Variants in IL21 observed in about 807,000 individuals in gnomAD.
IL21 encodes interleukin-21.
In IL21, 3 loss-of-function variants were observed where a neutral mutation model predicts 18.4. The ratio of observed to expected loss-of-function variants is 0.16; its 90% CI spans 0.07 to 0.42. The LOEUF is 0.42. IL21 is among the 10% of genes least tolerant of loss of function. The pLI is 0.99. For missense variants in IL21, 130 were observed against 188.4 expected (o/e 0.69, Z 1.81); for synonymous variants, 37 against 62.0 (o/e 0.60, Z 1.90).
chr4:122,615,375 A>G (rs567091693), intron 3 of IL21, among the ~76,000 whole-genome samples: 1 of 152,240 alleles, frequency 6.6e-6, no homozygotes, highest in East Asian at 1.9e-4. Context: ...CAAAAACAAA[A>G]TTAGCCGGGC....
intron 3 of IL21, among the ~76,000 whole-genome samples, chr4:122,615,257 C>T (rs531337660): frequency 6.6e-6 from 1 of 152,314 alleles, no homozygotes; most frequent in African/African-American, 2.4e-5. Context: ...TGCGGTGGCT[C>T]ATGCCTGTAA....
chr4:122,616,974 A>G (rs17879352), intron 2 of IL21, among the ~76,000 whole-genome samples: 2,187 of 152,276 alleles, frequency 0.014, 55 homozygotes, highest in African/African-American at 0.05. Context: ...ATACGTAACA[A>G]TATTACCTGA....
In IL21 at chr4:122,610,162, T is replaced by C. The variant is rs1291122425; in HGVS notation, c.*2548A>G. 1.3e-5 allele frequency among the ~76,000 whole-genome samples: 2 copies of C among 152,126 alleles called. No homozygotes were observed. The highest frequency in any genetic ancestry group is 2.9e-5 in the Non-Finnish European group (2 of 68,022). ...GGTCTTAAATAAGAAGCCATAAACATGAACATTTAAAATCAAATATATAAT... is the reference window on the plus strand; with the variant it reads ...GGTCTTAAATAAGAAGCCATAAACACGAACATTTAAAATCAAATATATAAT... On this transcript the variant is annotated 3_prime_UTR_variant, in exon 5 of 5. Transcript: ENST00000648588.
In IL21 at chr4:122,620,627, T is replaced by G. The variant is rs1799412882; in HGVS notation, c.204+74A>C. 2.4e-6 allele frequency: 3 copies of G among 1,238,666 alleles called. No homozygotes were observed. The South Asian group carries it at 3.8e-5, about 16-fold the overall frequency. The allele number at this position is 1,238,666 out of a possible 1,614,324, so 76.7% of individuals were successfully genotyped here. A position where few individuals can be genotyped will look rare whatever the true frequency, so the allele number is the denominator to read the frequency against. On this transcript the variant is annotated intron_variant, in intron 2 of 4. Transcript: ENST00000648588. ...AATTCAGTATACTCCTATATAATCA[T>G]GCTAATGTCTTTCTTATTGGATTTA...
intron 2 of IL21, among the ~76,000 whole-genome samples, chr4:122,617,420 G>A (rs1799351345): frequency 6.6e-6 from 1 of 152,082 alleles, no homozygotes; most frequent in Admixed American, 6.6e-5. Flanking sequence ...TGCTTCATCC[G>A]TGATGATCTG....
rs375579738 is a variant in IL21, at chr4:122,612,934, A to G, written c.361-6T>C. ...GAATCACATGAAGGGCATGTCTAGA[A>G]ATCAATGAAAAAGTAACAGTCTTCT... is the stretch of plus-strand genomic sequence containing the variant. On this transcript the variant is annotated splice_region_variant and splice_polypyrimidine_tract_variant and intron_variant, in intron 3 of 4. Transcript: ENST00000648588. 11 of 1,544,052 alleles carry G rather than the reference A, an allele frequency of 7.1e-6. No homozygotes were observed. The African/African-American group carries it at 1.2e-4, about 17-fold the overall frequency.
chr4:122,612,989 T>C, intron 3 of IL21, 61 bp from the exon 4 acceptor site: 1 of 1,044,200 alleles, frequency 9.6e-7, no homozygotes, highest in African/African-American at 1.6e-5. Flanking sequence ...AAAATGTTTC[T>C]TAAAATTTTT....
At chr4:122,618,804 CAAAAAAAAAAAA>C (rs1158779760) in intron 2 of IL21, among the ~76,000 whole-genome samples, 1 of 32,586 alleles carries the variant, frequency 3.1e-5, no homozygotes, top group Non-Finnish European at 6.0e-5. Flanking sequence ...GACTCCGTCT[CAAAAAAAAAAAA>C]AAAAAAAAAA....
rs988611113 is a variant in IL21, at chr4:122,611,944, C to A, written c.*766G>T. 2.0e-5 allele frequency among the ~76,000 whole-genome samples: 3 copies of A among 152,040 alleles called. No individual in the cohort carries two copies. Among genetic ancestry groups the A allele is most frequent in the African/African-American group, 2.4e-5 (1 of 41,410 alleles). On this transcript the variant is annotated 3_prime_UTR_variant, in exon 5 of 5. Coordinates refer to ENST00000648588, the MANE Select transcript of IL21 (RefSeq NM_021803.4). ...TGTTTGGTTCCAGAAGACAACCTGGCATATGTCCCTCTATAGGTTTAAATT... is the reference window on the plus strand; with the variant it reads ...TGTTTGGTTCCAGAAGACAACCTGGAATATGTCCCTCTATAGGTTTAAATT...
At position 122,620,873 on chromosome 4, in the gene IL21, C is replaced by T; in HGVS notation, c.139G>A (p.Asp47Asn). The stretch of plus-strand genomic sequence containing the variant: ...TCATTCACATAATTTTTCAGCTGAT[C>T]AACAATATCTATAAGTTGACGCATT... The part of the protein sequence containing the change: ...IRMRQLIDIV[D>N]QLKNYVNDLV... The change falls in exon 1 of 5, where the codon GAT becomes AAT. Residue 47 changes from aspartate (D) to asparagine (N), a missense_variant. Transcript: ENST00000648588. 1.2e-6 allele frequency: 2 copies of T among 1,613,998 alleles called. No homozygotes were observed. The highest frequency in any genetic ancestry group is 1.3e-5 in the African/African-American group (1 of 75,026).
chr4:122,615,719 G>T lies in IL21; in HGVS notation c.323C>A (p.Pro108His). ...VSIKKLKRKP[P>H]STNAGRRQKH... ...CTGTCTTCTCCCTGCATTTGTGGAAGGTGGTTTCCTCTTCAGCTTTTTAAT... is the reference window on the plus strand; with the variant it reads ...CTGTCTTCTCCCTGCATTTGTGGAATGTGGTTTCCTCTTCAGCTTTTTAAT... Residue 108 changes from proline to histidine, a missense_variant, in exon 3 of 5, where the codon CCT (proline) becomes CAT (histidine). Physicochemically the swap from Pro to His is moderately conservative, Grantham distance 77 (BLOSUM62 -2). Coordinates refer to ENST00000648588, the MANE Select transcript of IL21 (RefSeq NM_021803.4). 1 of 1,613,422 alleles carries T rather than the reference G, an allele frequency of 6.2e-7. No homozygotes were observed. The highest frequency in any genetic ancestry group is 8.5e-7 in the Non-Finnish European group (1 of 1,179,766).
chr4:122,616,425 C>T (rs1339924153), intron 2 of IL21, among the ~76,000 whole-genome samples: 1 of 152,108 alleles, frequency 6.6e-6, no homozygotes, highest in Non-Finnish European at 1.5e-5. Flanking sequence ...TGGGTACCTC[C>T]CTCTGATAGC....
At chr4:122,617,255 A>G (rs1799349874) in intron 2 of IL21, among the ~76,000 whole-genome samples, 1 of 152,222 alleles carries the variant, frequency 6.6e-6, no homozygotes, top group African/African-American at 2.4e-5. Flanking sequence ...TAAATGTTCA[A>G]TATAGCACTT....
chr4:122,615,055 G>A (rs377248097), intron 3 of IL21, among the ~76,000 whole-genome samples: 27 of 152,258 alleles, frequency 1.8e-4, no homozygotes, highest in African/African-American at 6.3e-4. Context: ...CCATATGAGA[G>A]GAAATAGTTC....
intron 2 of IL21, among the ~76,000 whole-genome samples, chr4:122,617,366 T>C (rs1012889869): frequency 6.6e-6 from 1 of 152,204 alleles, no homozygotes; most frequent in African/African-American, 2.4e-5. Context: ...ATAATATTCA[T>C]ATTTAAAGAG....
intron 2 of IL21, chr4:122,619,095 A>G (rs1799385686): frequency 6.6e-6 from 1 of 152,198 alleles, no homozygotes; most frequent in Non-Finnish European, 1.5e-5. Context: ...TGGTTATATG[A>G]TTAGACGGAA....
intron 3 of IL21, among the ~76,000 whole-genome samples, chr4:122,615,147 AG>A: frequency 6.6e-6 from 1 of 152,326 alleles, no homozygotes; most frequent in East Asian, 1.9e-4. Context: ...CCAGCTGCCA[AG>A]GACTACTAGG....
At chr4:122,616,346 A>G (rs756889977) in intron 2 of IL21, among the ~76,000 whole-genome samples, 7 of 152,206 alleles carry the variant, frequency 4.6e-5, no homozygotes, top group African/African-American at 7.2e-5. Context: ...CCAGTTAATG[A>G]TCAACATATA....
At chr4:122,613,062 G>A (rs1210334340) in intron 3 of IL21, 134 bp from the exon 4 acceptor site, 13 of 600,412 alleles carry the variant, frequency 2.2e-5, no homozygotes, top group Non-Finnish European at 3.7e-5. Context: ...AAACTGTTTG[G>A]AAAGTAACAA....
Sources: gnomAD v4.1 joint callset for allele counts (sites outside exome capture counted in the v4.1 genomes callset) on GRCh38, gnomAD v4.1.1 for gene constraint, MANE v1.5 for transcripts, NCBI Gene and HGNC (gene_info 2026-07-23, HGNC 2026-07-21) for gene names.